The following FOCAD variants were observed in gnomAD, a reference collection of about 807,000 sequenced individuals.
The protein encoded by FOCAD is focadhesin.
Under a neutral mutation model 225.6 loss-of-function variants are expected in FOCAD, and 198 were observed. The observed-to-expected ratio is 0.88, with a 90% CI of 0.78 to 0.99. The LOEUF is 0.99. Ranked by LOEUF, FOCAD falls within the 50% of genes least tolerant of loss-of-function variation. The pLI is 0.00. For synonymous variants in FOCAD, 897 were observed against 755.0 expected (o/e 1.19, Z -3.08); for missense variants, 2,713 against 2,123.6 (o/e 1.28, Z -5.46).
chr9:20,782,582 G>C (rs1231867367), intron 10 of FOCAD, among the ~76,000 whole-genome samples: 1 of 152,212 alleles, frequency 6.6e-6, no homozygotes, highest in African/African-American at 2.4e-5. Flanking sequence ...TCTAGGCCTA[G>C]ATTTACCAGA....
At chr9:20,769,483 T>C (rs1179855624) in intron 7 of FOCAD, among the ~76,000 whole-genome samples, 1 of 152,234 alleles carries the variant, frequency 6.6e-6, no homozygotes, top group Non-Finnish European at 1.5e-5. Context: ...AGGTCCTTCC[T>C]ATCTAATACA....
At chr9:20,926,931 A>G (rs750293142) in intron 26 of FOCAD, among the ~76,000 whole-genome samples, 16 of 150,928 alleles carry the variant, frequency 1.1e-4, no homozygotes, top group Non-Finnish European at 1.9e-4. Context: ...AAAATATTAT[A>G]TATGTAAATT....
chr9:20,798,023 G>C (rs202157746), intron 11 of FOCAD, among the ~76,000 whole-genome samples: 41,023 of 151,860 alleles, frequency 0.27, 5,725 homozygotes, highest in South Asian at 0.35. Flanking sequence ...TATGTCCCAT[G>C]AATACCTAAT....
At chr9:20,868,670 G>T (rs1434880529) in intron 18 of FOCAD, among the ~76,000 whole-genome samples, 1 of 151,932 alleles carries the variant, frequency 6.6e-6, no homozygotes, top group Non-Finnish European at 1.5e-5. Flanking sequence ...ATAAAGGAAA[G>T]CTATAAGGCG....
chr9:20,851,355 A>C (rs1827638948), intron 15 of FOCAD, among the ~76,000 whole-genome samples: 2 of 151,714 alleles, frequency 1.3e-5, no homozygotes, highest in African/African-American at 4.8e-5. Flanking sequence ...TATCTGCATA[A>C]ATGTTCTGAC....
intron 28 of FOCAD, 37 bp from the exon 29 acceptor site, chr9:20,944,590 T>G (rs1208652151): frequency 1.3e-6 from 2 of 1,596,374 alleles, no homozygotes; most frequent in Non-Finnish European, 1.7e-6. Flanking sequence ...TGTGGATTTC[T>G]TATGATCCTA....
intron 24 of FOCAD, 128 bp downstream of exon 24, chr9:20,917,065 T>A (rs1295093455): frequency 2.3e-5 from 16 of 699,002 alleles, no homozygotes; most frequent in Non-Finnish European, 3.4e-5. Flanking sequence ...ATTATTTTTT[T>A]AAAAAATTAA....
Position 20,774,555 on chromosome 9 carries a change from CCTTTTT to C in FOCAD, c.907-4121_907-4116del, listed in dbSNP as rs565517820. Among the ~76,000 whole-genome samples, 421 of 152,210 alleles carry C rather than the reference CCTTTTT, an allele frequency of 2.8e-3. 1 individual carries two copies. The highest frequency in any genetic ancestry group is 9.7e-3 in the African/African-American group (404 of 41,534). On this transcript the variant is annotated intron_variant, in intron 8 of 43. Transcript: ENST00000338382. ...TTAGAATAAATGCTGTACTCTTTTG[CCTTTTT>C]CTTTATTTACTAACTTTAAAAAATA...
At chr9:20,691,562 A>ACC (rs1256756096) in intron 1 of FOCAD, among the ~76,000 whole-genome samples, 2 of 151,796 alleles carry the variant, frequency 1.3e-5, no homozygotes, top group African/African-American at 4.8e-5. Context: ...GCTCACTGCA[A>ACC]GCCGCACCTC....
At chr9:20,948,144 T>C in intron 30 of FOCAD, 127 bp from the exon 31 acceptor site, 1 of 921,794 alleles carries the variant, frequency 1.1e-6, no homozygotes, top group Non-Finnish European at 1.5e-6. Flanking sequence ...TGATTTTTCA[T>C]ATGACAAATA....
intron 41 of FOCAD, 135 bp from the exon 42 acceptor site, chr9:20,989,987 TG>T: frequency 1.1e-6 from 1 of 877,438 alleles, no homozygotes. Flanking sequence ...CTCTTCTGGG[TG>T]GGGGTAGGGC....
At chr9:20,738,595 A>G (rs183941723) in intron 4 of FOCAD, among the ~76,000 whole-genome samples, 2 of 152,340 alleles carry the variant, frequency 1.3e-5, no homozygotes, top group East Asian at 1.9e-4. Context: ...CATGAGTTAT[A>G]CTGAATGGTC....
At chr9:20,658,749 A>T (rs892217861) in exon 2 of FOCAD, 2 of 159,510 alleles carry the variant, frequency 1.3e-5, no homozygotes, top group Non-Finnish European at 2.7e-5. Context: ...TCCATCGCTC[A>T]CGCTGGGAGC....
intron 13 of FOCAD, among the ~76,000 whole-genome samples, 196 bp downstream of exon 13, chr9:20,820,621 A>C (rs1219263506): frequency 6.6e-6 from 1 of 152,154 alleles, no homozygotes; most frequent in Non-Finnish European, 1.5e-5. Context: ...GAGAATATAA[A>C]ATCTCATTTC....
At chr9:20,772,942 T>C (rs531157649) in intron 8 of FOCAD, among the ~76,000 whole-genome samples, 59 of 149,708 alleles carry the variant, frequency 3.9e-4, no homozygotes, top group Middle Eastern at 3.5e-3. Flanking sequence ...ATTTTACAGA[T>C]ATAATCATGT....
At chr9:20,986,265 A>AT in intron 39 of FOCAD, 23 bp from the exon 40 acceptor site, 1 of 456,998 alleles carries the variant, frequency 2.2e-6, no homozygotes, top group Non-Finnish European at 2.9e-6. Context: ...GTAACTAAAC[A>AT]ATTTTTTTTT....
intron 8 of FOCAD, among the ~76,000 whole-genome samples, chr9:20,776,382 G>A (rs1486707294): frequency 6.6e-6 from 1 of 152,320 alleles, no homozygotes; most frequent in South Asian, 2.1e-4. Context: ...AGCATTTGAA[G>A]TGTGCAAAGG....
chr9:20,938,585 G>A (rs912234470), intron 28 of FOCAD, among the ~76,000 whole-genome samples: 20 of 152,016 alleles, frequency 1.3e-4, no homozygotes, highest in African/African-American at 4.8e-4. Flanking sequence ...GTTGTGGGGT[G>A]GGGGGAGTGG....
chr9:20,944,834 T>C lies in FOCAD; in HGVS notation c.3555+60T>C, dbSNP rs1837027597. 4.0e-6 allele frequency: 6 copies of C among 1,514,404 alleles called. No homozygotes were observed. In the South Asian group the frequency reaches 7.7e-5, roughly 19 times the overall value. 93.8% of individuals were successfully genotyped at this position (1,514,404 alleles called of 1,614,324 possible). On this transcript the variant is annotated intron_variant, in intron 29 of 43. Transcript: ENST00000338382. ...CTCTCTTTTGTTTTCTTCTTGCCAC[T>C]TATTTTGGACTTACCATATTTTGGT... is the stretch of plus-strand genomic sequence containing the variant.
Sources: allele counts gnomAD v4.1 joint callset (sites outside exome capture counted in the v4.1 genomes callset), GRCh38; gene constraint gnomAD v4.1.1; transcripts MANE v1.5; gene names NCBI Gene and HGNC (gene_info 2026-07-23, HGNC 2026-07-21).